Variants in NR1H4 observed in about 807,000 individuals in gnomAD.
NR1H4 encodes the protein nuclear receptor subfamily 1 group H member 4.
NR1H4 carries 23 observed loss-of-function variants against 58.5 expected under a neutral mutation model. That is an observed-to-expected ratio of 0.39 (90% CI 0.28 to 0.56). The LOEUF is 0.56. Ranked by LOEUF, NR1H4 falls within the 20% of genes least tolerant of loss-of-function variation. NR1H4 has a pLI of 0.58. For missense variants in NR1H4, 487 were observed against 576.9 expected (o/e 0.84, Z 1.60); for synonymous variants, 214 against 198.0 (o/e 1.08, Z -0.68).
At chr12:100,487,623 TCTCA>T (rs1329275710) in intron 1 of NR1H4, among the ~76,000 whole-genome samples, 1 of 136,206 alleles carries the variant, frequency 7.3e-6, no homozygotes, top group Non-Finnish European at 1.6e-5. Context: ...TTGAGACGAG[TCTCA>T]CTCTGTTGCC....
intron 3 of NR1H4, among the ~76,000 whole-genome samples, chr12:100,495,918 G>T (rs1953705610): frequency 1.3e-5 from 2 of 152,224 alleles, no homozygotes. Flanking sequence ...TGAATGAGTA[G>T]CCCACAGGCC....
chr12:100,527,026 T>C (rs772021086), intron 4 of NR1H4, among the ~76,000 whole-genome samples: 26 of 152,120 alleles, frequency 1.7e-4, no homozygotes, highest in Non-Finnish European at 2.8e-4. Context: ...AAAGCACACA[T>C]AAATACCTTG....
Position 100,510,918 on chromosome 12 carries a change from C to T in NR1H4, c.220C>T (p.Pro74Ser), listed in dbSNP as rs1235836559. 8 of 1,614,164 alleles carry T rather than the reference C, an allele frequency of 5.0e-6. No homozygotes were observed. Among genetic ancestry groups the T allele is most frequent in the South Asian group, 2.2e-5 (2 of 91,076 alleles). The change falls in exon 4 of 11, where the codon CCC (proline) becomes TCC (serine). Residue 74 changes from proline to serine, a missense_variant. Pro to Ser is a moderately conservative substitution (Grantham distance 74, BLOSUM62 -1). Transcript: ENST00000392986. ...CTATTATTCCAACCTGGGTTTCTACCCCCAGCAGCCTGAAGAGTGGTACTC... is the reference window on the plus strand; with the variant it reads ...CTATTATTCCAACCTGGGTTTCTACTCCCAGCAGCCTGAAGAGTGGTACTC... ...SSYYSNLGFY[P>S]QQPEEWYSPG...
intron 4 of NR1H4, among the ~76,000 whole-genome samples, chr12:100,511,736 AC>A (rs1416852842): frequency 6.6e-6 from 1 of 151,900 alleles, no homozygotes; most frequent in East Asian, 1.9e-4. Context: ...AGCCTGGCCA[AC>A]ACGGTGAAAT....
intron 4 of NR1H4, among the ~76,000 whole-genome samples, chr12:100,529,725 G>A (rs1039506792): frequency 2.0e-5 from 3 of 152,060 alleles, no homozygotes; most frequent in African/African-American, 7.2e-5. Context: ...TTTCCTTCAT[G>A]GACCCCTCCC....
At chr12:100,490,706 T>A (rs577279694) in intron 1 of NR1H4, among the ~76,000 whole-genome samples, 1 of 152,304 alleles carries the variant, frequency 6.6e-6, no homozygotes, top group Non-Finnish European at 1.5e-5. Context: ...TATATATCCT[T>A]ATACAATTGA....
intron 3 of NR1H4, among the ~76,000 whole-genome samples, chr12:100,498,201 A>G (rs887427376): frequency 6.6e-6 from 1 of 152,232 alleles, no homozygotes; most frequent in Non-Finnish European, 1.5e-5. Flanking sequence ...AAATGTTACA[A>G]TTAATCCAGA....
At chr12:100,474,786 A>G (rs937953964) in intron 1 of NR1H4, among the ~76,000 whole-genome samples, 2 of 152,152 alleles carry the variant, frequency 1.3e-5, no homozygotes, top group Non-Finnish European at 2.9e-5. Context: ...GTTTTTATTC[A>G]GAAGGGAGGG....
chr12:100,536,752 A>G, intron 7 of NR1H4, 142 bp downstream of exon 7: 2 of 683,528 alleles, frequency 2.9e-6, no homozygotes, highest in Non-Finnish European at 2.6e-6. Context: ...TTAAACTCTC[A>G]GCAACATTAA....
intron 9 of NR1H4, among the ~76,000 whole-genome samples, chr12:100,561,015 C>T (rs997171863): frequency 6.6e-6 from 1 of 152,036 alleles, no homozygotes; most frequent in Non-Finnish European, 1.5e-5. Context: ...TGATTTTGGA[C>T]ATACTGGGTT....
chr12:100,553,045 C>A (rs1955239517), intron 9 of NR1H4, among the ~76,000 whole-genome samples: 1 of 152,020 alleles, frequency 6.6e-6, no homozygotes, highest in Non-Finnish European at 1.5e-5. Flanking sequence ...GTCACCCAGG[C>A]TAGAGTGCAG....
chr12:100,520,230 G>A (rs1318089170), intron 4 of NR1H4, among the ~76,000 whole-genome samples: 3 of 152,128 alleles, frequency 2.0e-5, no homozygotes, highest in East Asian at 3.8e-4. Flanking sequence ...AAGGGAGCAC[G>A]GGCTTTGCGG....
At chr12:100,522,136 ATAATGG>A (rs1954438194) in intron 4 of NR1H4, among the ~76,000 whole-genome samples, 2 of 151,252 alleles carry the variant, frequency 1.3e-5, no homozygotes, top group African/African-American at 4.8e-5. Context: ...GGTGATGATG[ATAATGG>A]TGATGGTGAT....
intron 9 of NR1H4, among the ~76,000 whole-genome samples, chr12:100,553,570 G>C (rs1298466457): frequency 1.3e-5 from 2 of 152,150 alleles, no homozygotes; most frequent in Non-Finnish European, 2.9e-5. Flanking sequence ...GGAGCTGTCA[G>C]AATGCTCTTG....
intron 1 of NR1H4, among the ~76,000 whole-genome samples, chr12:100,475,124 C>CTTATCTAT (rs149156136): frequency 7.0e-6 from 1 of 143,086 alleles, no homozygotes; most frequent in Non-Finnish European, 1.5e-5. Context: ...AAGTGGTTTA[C>CTTATCTAT]CTATCTATCT....
At chr12:100,509,136 A>G (rs931928763) in intron 3 of NR1H4, among the ~76,000 whole-genome samples, 5 of 152,166 alleles carry the variant, frequency 3.3e-5, no homozygotes, top group African/African-American at 1.2e-4. Flanking sequence ...CGATATTATC[A>G]TCCCAACCTT....
At chr12:100,555,573 AATG>A (rs1224445373) in intron 9 of NR1H4, among the ~76,000 whole-genome samples, 2 of 152,202 alleles carry the variant, frequency 1.3e-5, no homozygotes, top group Non-Finnish European at 2.9e-5. Flanking sequence ...TCTCCTGAAT[AATG>A]ATAATAATAG....
At chr12:100,559,522 C>T (rs1184130292) in intron 9 of NR1H4, among the ~76,000 whole-genome samples, 4 of 152,286 alleles carry the variant, frequency 2.6e-5, no homozygotes, top group East Asian at 1.9e-4. Context: ...ACTTAGCACC[C>T]GGGCCAGTGG....
intron 3 of NR1H4, among the ~76,000 whole-genome samples, chr12:100,505,360 C>A (rs951973757): frequency 6.6e-6 from 1 of 152,214 alleles, no homozygotes; most frequent in Non-Finnish European, 1.5e-5. Context: ...GGCTATTCAA[C>A]TTTAACTTAG....
Sources: gnomAD v4.1 joint callset for allele counts (sites outside exome capture counted in the v4.1 genomes callset) on GRCh38, gnomAD v4.1.1 for gene constraint, MANE v1.5 for transcripts, NCBI Gene and HGNC (gene_info 2026-07-23, HGNC 2026-07-21) for gene names.